Variants in MLLT3 observed in about 807,000 individuals in gnomAD.
MLLT3 encodes protein AF-9.
Under a neutral mutation model 53.2 loss-of-function variants are expected in MLLT3, and 4 were observed. The observed-to-expected ratio is 0.08, with a 90% confidence interval of 0.04 to 0.17. The LOEUF is 0.17. Ranked by LOEUF, MLLT3 falls within the 10% of genes least tolerant of loss-of-function variation. The pLI, the probability that MLLT3 is intolerant of heterozygous loss-of-function variation, is 1.00. For missense variants in MLLT3, 569 were observed against 684.0 expected (o/e 0.83, Z 1.87); for synonymous variants, 283 against 230.6 (o/e 1.23, Z -2.06).
chr9:20,359,252 T>C (rs1821258018), intron 8 of MLLT3, among the ~76,000 whole-genome samples: 1 of 151,646 alleles, frequency 6.6e-6, no homozygotes, highest in Non-Finnish European at 1.5e-5. Context: ...CCAAATTTTC[T>C]AGTTAACCAG....
chr9:20,359,879 A>G (rs1181706272), intron 8 of MLLT3, among the ~76,000 whole-genome samples: 1 of 152,216 alleles, frequency 6.6e-6, no homozygotes, highest in East Asian at 1.9e-4. Flanking sequence ...AACTTATGGT[A>G]ATGAGAGTAT....
chr9:20,505,684 C>G (rs901528413), intron 2 of MLLT3, among the ~76,000 whole-genome samples: 2 of 152,160 alleles, frequency 1.3e-5, no homozygotes, highest in African/African-American at 4.8e-5. Flanking sequence ...AAAGGACTAT[C>G]GTGACACACA....
chr9:20,350,631 A>G (rs1161349258), intron 10 of MLLT3, among the ~76,000 whole-genome samples: 2 of 152,044 alleles, frequency 1.3e-5, no homozygotes, highest in Non-Finnish European at 2.9e-5. Context: ...AACCAGGTAC[A>G]TATGGGTAGT....
At chr9:20,583,822 G>A (rs1426332953) in intron 2 of MLLT3, among the ~76,000 whole-genome samples, 3 of 152,174 alleles carry the variant, frequency 2.0e-5, no homozygotes, top group Non-Finnish European at 4.4e-5. Flanking sequence ...CTCTGGGCAT[G>A]TGATGGAAGG....
rs188620720 is a variant in MLLT3, at chr9:20,384,620, G to A, written c.1126-18876C>T. ...TTATCATCAATGGGATGCAGGTGTT[G>A]GATAATTATATTAGTATCAACACGA... On this transcript the variant is annotated intron_variant, in intron 5 of 10. Transcript: ENST00000380338. Among the ~76,000 whole-genome samples the A allele has an allele frequency of 9.9e-4, 150 of 152,028 alleles. 1 individual carries two copies. The highest frequency in any genetic ancestry group is 1.5e-3 in the Non-Finnish European group (99 of 67,918).
At chr9:20,428,569 A>C (rs1446192504) in intron 4 of MLLT3, among the ~76,000 whole-genome samples, 2 of 152,104 alleles carry the variant, frequency 1.3e-5, no homozygotes, top group African/African-American at 2.4e-5. Context: ...GACTTGAAAA[A>C]ATTTTAGCCA....
chr9:20,396,781 A>G (rs1822332666), intron 5 of MLLT3, among the ~76,000 whole-genome samples: 1 of 152,144 alleles, frequency 6.6e-6, no homozygotes, highest in African/African-American at 2.4e-5. Flanking sequence ...CATTGATAAA[A>G]TGGAATAATG....
Position 20,620,548 on chromosome 9 carries a change from G to C in MLLT3, c.193+106C>G. ...CGCACCCGGATCCCGAGGCTACGCC[G>C]GCGAGCGCGGCGCGGGGGGCGGGGA... On this transcript the variant is annotated intron_variant, in intron 2 of 10. Transcript: ENST00000380338. This position sits in a 1 kb window ranked among gnomAD's most constrained non-coding sequence, Gnocchi z 6.1. The C allele has an allele frequency of 9.6e-7, 1 of 1,041,158 alleles. No individual in the cohort carries two copies. The highest frequency in any genetic ancestry group is 1.3e-6 in the Non-Finnish European group (1 of 781,392). 64.5% of individuals were successfully genotyped at this position (1,041,158 alleles called of 1,614,324 possible).
chr9:20,609,598 A>G (rs1044891686), intron 2 of MLLT3, among the ~76,000 whole-genome samples: 8 of 152,166 alleles, frequency 5.3e-5, no homozygotes, highest in Non-Finnish European at 1.0e-4. Flanking sequence ...CATGGTCAAG[A>G]GCCATAATTG....
chr9:20,369,788 T>A (rs1563939809), intron 5 of MLLT3, among the ~76,000 whole-genome samples: 1 of 152,234 alleles, frequency 6.6e-6, no homozygotes. Flanking sequence ...CAGGGTTATA[T>A]GAAGATCTTT....
At chr9:20,558,494 C>G (rs1359243588) in intron 2 of MLLT3, among the ~76,000 whole-genome samples, 2 of 152,094 alleles carry the variant, frequency 1.3e-5, no homozygotes, top group Non-Finnish European at 2.9e-5. Flanking sequence ...TGCAATAAAC[C>G]TAAACCTCAC....
rs142771399 is a variant in MLLT3, at chr9:20,435,275, C to A, written c.420+12848G>T. Among the ~76,000 whole-genome samples the A allele has an allele frequency of 5.6e-4, 85 of 152,212 alleles. 2 individuals are homozygous for A. In the East Asian group the frequency reaches 0.015, roughly 27 times the overall value. On this transcript the variant is annotated intron_variant, in intron 4 of 10. Coordinates refer to ENST00000380338, the MANE Select transcript of MLLT3 (RefSeq NM_004529.4). ...CCCAGGCTAGACTCGAACTCCTGGG[C>A]TCCAGCAATCCTCCTGCCTCAGCCT...
intron 4 of MLLT3, among the ~76,000 whole-genome samples, chr9:20,442,376 C>T (rs1247367202): frequency 6.6e-6 from 1 of 152,134 alleles, no homozygotes; most frequent in East Asian, 1.9e-4. Context: ...ATTTATCCTA[C>T]GGACATATCC....
intron 2 of MLLT3, among the ~76,000 whole-genome samples, chr9:20,587,058 T>A (rs550953500): frequency 1.3e-5 from 2 of 152,008 alleles, no homozygotes; most frequent in African/African-American, 4.8e-5. Flanking sequence ...TAAAACCAAG[T>A]ACAAAATAAA....
At chr9:20,546,781 G>A (rs376554518) in intron 2 of MLLT3, among the ~76,000 whole-genome samples, 1 of 152,250 alleles carries the variant, frequency 6.6e-6, no homozygotes. Context: ...CCGTGGAACA[G>A]GCAGGGGCCA....
At chr9:20,603,269 G>A (rs953856918) in intron 2 of MLLT3, among the ~76,000 whole-genome samples, 1 of 151,910 alleles carries the variant, frequency 6.6e-6, no homozygotes, top group African/African-American at 2.4e-5. Flanking sequence ...AAGTATATAG[G>A]TTAGCCTTCT....
chr9:20,433,654 T>C (rs1360182997), intron 4 of MLLT3, among the ~76,000 whole-genome samples: 3 of 152,090 alleles, frequency 2.0e-5, no homozygotes, highest in Non-Finnish European at 4.4e-5. Flanking sequence ...CAGGGAAATA[T>C]ACATAACCAA....
intron 4 of MLLT3, among the ~76,000 whole-genome samples, chr9:20,446,215 G>T (rs1045625287): frequency 6.6e-6 from 1 of 152,144 alleles, no homozygotes; most frequent in African/African-American, 2.4e-5. Context: ...AACAGCATAT[G>T]CCTGGAATAG....
At chr9:20,617,992 A>G (rs1820878505) in intron 2 of MLLT3, among the ~76,000 whole-genome samples, 1 of 152,234 alleles carries the variant, frequency 6.6e-6, no homozygotes, top group South Asian at 2.1e-4. Context: ...AAGATTTACA[A>G]AACTAAGGAC....
Sources: gnomAD v4.1 joint callset for allele counts (sites outside exome capture counted in the v4.1 genomes callset) on GRCh38, gnomAD v4.1.1 for gene constraint, Gnocchi (gnomAD v3.1) non-coding constraint, MANE v1.5 for transcripts, NCBI Gene and HGNC (gene_info 2026-07-23, HGNC 2026-07-21) for gene names.